The following BOK variants were observed in gnomAD, a reference collection of about 807,000 sequenced individuals.
BOK encodes BCL2 family apoptosis regulator BOK.
Under a neutral mutation model 18.3 loss-of-function variants are expected in BOK, and 20 were observed. That is an observed-to-expected ratio of 1.09 (90% confidence interval 0.77 to 1.59). BOK has a LOEUF of 1.59. Ranked by LOEUF, BOK falls within the 40% of genes most tolerant of loss-of-function variation. The probability of loss-of-function intolerance (pLI) is 0.00; values close to 1 mark genes in which losing one functional copy is unlikely to be tolerated. For missense variants in BOK, 348 were observed against 307.9 expected (o/e 1.13, Z -0.97); for synonymous variants, 173 against 142.4 (o/e 1.21, Z -1.53).
intron 3 of BOK, among the ~76,000 whole-genome samples, chr2:241,563,225 C>T (rs1449996564): frequency 6.6e-6 from 1 of 152,208 alleles, no homozygotes; most frequent in African/African-American, 2.4e-5. Flanking sequence ...GTCTCCCCTA[C>T]TCGGTGCCCG....
chr2:241,565,653 T>C (rs9288727), intron 3 of BOK, among the ~76,000 whole-genome samples: 74,302 of 152,084 alleles, frequency 0.49, 19,671 homozygotes, highest in East Asian at 0.68. Flanking sequence ...GCAGGCAAGC[T>C]GCACAGCCCG....
intron 2 of BOK, among the ~76,000 whole-genome samples, chr2:241,561,214 C>T (rs969937001): frequency 3.3e-5 from 5 of 152,244 alleles, no homozygotes; most frequent in South Asian, 2.1e-4. Flanking sequence ...GGCCGGGCTG[C>T]GGACTCCCAA....
chr2:241,571,126 GC>G (rs1056758670), intron 4 of BOK, among the ~76,000 whole-genome samples: 1 of 151,940 alleles, frequency 6.6e-6, no homozygotes, highest in African/African-American at 2.4e-5. Flanking sequence ...CTACAGGCAG[GC>G]CCTGGACTCT....
chr2:241,559,349 C>T, intron 1 of BOK, 106 bp from the exon 2 acceptor site: 2 of 598,582 alleles, frequency 3.3e-6, no homozygotes, highest in South Asian at 7.0e-5. Context: ...AGAGCGGACC[C>T]GGCGCCGGCT....
chr2:241,559,373 A>G, intron 1 of BOK, 82 bp from the exon 2 acceptor site: 1 of 881,812 alleles, frequency 1.1e-6, no homozygotes, highest in Non-Finnish European at 1.5e-6. Flanking sequence ...GCCCTTCCCG[A>G]GGGCCACGCC....
chr2:241,568,258 C>G lies in BOK; in HGVS notation c.350-1867C>G, dbSNP rs189354437. ...GCCTCAGCCTCCCGAGTAGCTGGGA[C>G]TACAGGCACCAGCCGCCATGCCCGG... is the stretch of plus-strand genomic sequence containing the variant. On this transcript the variant is annotated intron_variant, in intron 3 of 4. Coordinates refer to ENST00000318407, the MANE Select transcript of BOK (RefSeq NM_032515.5). Among the ~76,000 whole-genome samples the G allele has an allele frequency of 2.0e-4, 30 of 149,896 alleles. No homozygotes were observed. In the East Asian group the frequency reaches 5.8e-3, roughly 29 times the overall value.
upstream of BOK, among the ~76,000 whole-genome samples, chr2:241,557,395 C>T (rs1303575466): frequency 3.3e-5 from 5 of 149,384 alleles, no homozygotes; most frequent in African/African-American, 1.2e-4. Flanking sequence ...CTGCAACCTT[C>T]GCCTCCCAGG....
At chr2:241,551,889 G>A (rs550786481) in intron 1 of BOK, among the ~76,000 whole-genome samples, 53 of 151,524 alleles carry the variant, frequency 3.5e-4, no homozygotes, top group African/African-American at 1.3e-3. Context: ...ATTCACCTCG[G>A]CCACTTGAAC....
upstream of BOK, among the ~76,000 whole-genome samples, chr2:241,554,747 G>A (rs918652396): frequency 1.3e-5 from 2 of 152,202 alleles, no homozygotes; most frequent in African/African-American, 4.8e-5. Context: ...GCCATCACAG[G>A]GGAGCACAGA....
Position 241,562,254 on chromosome 2 carries a change from A to G in BOK, c.221-94A>G. 6.9e-7 allele frequency: 1 copy of G among 1,438,866 alleles called. No individual in the cohort carries two copies. 89.1% of individuals were successfully genotyped at this position (1,438,866 alleles called of 1,614,324 possible). A position where few individuals can be genotyped will look rare whatever the true frequency, so the allele number is the denominator to read the frequency against. On this transcript the variant is annotated intron_variant, in intron 2 of 4. Coordinates refer to ENST00000318407, the MANE Select transcript of BOK (RefSeq NM_032515.5). The surrounding 1 kb of genome is among the most constrained non-coding windows in gnomAD (Gnocchi z 4.5). ...AACAGGCTGGAATTCAAGCATGGTC[A>G]GGTGGGGGTCAGGTGCAGGGTGTGC...
In BOK at chr2:241,562,963, T is replaced by A. The variant is rs1479782624; in HGVS notation, c.349+487T>A. 6.6e-6 allele frequency among the ~76,000 whole-genome samples: 1 copy of A among 152,174 alleles called. No individual in the cohort carries two copies. Among genetic ancestry groups the A allele is most frequent in the Non-Finnish European group, 1.5e-5 (1 of 68,022 alleles). ...AGAAGTCACGGGTAACTCTGCTGGATTCTGATGGTCAGAAGCGAGCCTCAG... is the reference window on the plus strand; with the variant it reads ...AGAAGTCACGGGTAACTCTGCTGGAATCTGATGGTCAGAAGCGAGCCTCAG... On this transcript the variant is annotated intron_variant, in intron 3 of 4. Coordinates refer to ENST00000318407, the MANE Select transcript of BOK (RefSeq NM_032515.5). The surrounding 1 kb of genome is among the most constrained non-coding windows in gnomAD (Gnocchi z 4.5).
chr2:241,572,228 G>A, intron 4 of BOK, 69 bp from the exon 5 acceptor site: 7 of 1,585,576 alleles, frequency 4.4e-6, no homozygotes, highest in Non-Finnish European at 6.0e-6. Flanking sequence ...CGGTGCTGGG[G>A]GGCCTGGCGG....
At chr2:241,560,035 A>G (rs2066503026) in intron 2 of BOK, 1 of 975,342 alleles carries the variant, frequency 1.0e-6, no homozygotes, top group Non-Finnish European at 1.2e-6. Flanking sequence ...AACCCTTTGT[A>G]GGAGCACGTG....
chr2:241,572,414 G>T lies in BOK; in HGVS notation c.631G>T (p.Glu211Ter). ...LKAAFFVLLPER is the reference protein window; with the variant it reads ...LKAAFFVLLP Reference sequence around the variant, plus strand: ...GGCTGCCTTCTTCGTGCTGCTGCCAGAGAGATGAGCTGCCCACCTGGCAGT... The same window carrying T: ...GGCTGCCTTCTTCGTGCTGCTGCCATAGAGATGAGCTGCCCACCTGGCAGT... Residue 211 changes from glutamate (E) to a stop codon, truncating the protein, a stop_gained, in exon 5 of 5, where the codon GAG becomes TAG. Transcript: ENST00000318407. LOFTEE classifies it high-confidence loss of function. 6.3e-7 allele frequency: 1 copy of T among 1,598,182 alleles called. No homozygotes were observed.
At chr2:241,552,798 C>G (rs1428734476) in intron 1 of BOK, among the ~76,000 whole-genome samples, 1 of 152,236 alleles carries the variant, frequency 6.6e-6, no homozygotes, top group African/African-American at 2.4e-5. Context: ...GGGATCACCA[C>G]TGGGAAGAAG....
chr2:241,564,741 C>A (rs1057262488), intron 3 of BOK, among the ~76,000 whole-genome samples: 3 of 152,158 alleles, frequency 2.0e-5, no homozygotes, highest in Admixed American at 6.5e-5. Context: ...CCTGGGCTGA[C>A]GACCACTCTC....
In BOK at chr2:241,572,468, G is replaced by A. The variant is rs1450960100; in HGVS notation, c.*46G>A. On this transcript the variant is annotated 3_prime_UTR_variant, in exon 5 of 5. Coordinates refer to ENST00000318407, the MANE Select transcript of BOK (RefSeq NM_032515.5). ...CGCAGCCTGGCCCTCTGGGCCCAAC[G>A]CAGGAGGCCCTCAGCACCCGAACAC... is the stretch of plus-strand genomic sequence containing the variant. 7.0e-6 allele frequency: 11 copies of A among 1,572,926 alleles called. No individual in the cohort carries two copies. The East Asian group carries it at 9.1e-5, about 13-fold the overall frequency.
At chr2:241,568,452 C>A (rs1475808888) in intron 3 of BOK, among the ~76,000 whole-genome samples, 1 of 151,698 alleles carries the variant, frequency 6.6e-6, no homozygotes, top group Non-Finnish European at 1.5e-5. Context: ...GAATCTTGCT[C>A]TGTCTCCCAG....
chr2:241,570,050 G>C, intron 3 of BOK, 75 bp from the exon 4 acceptor site: 4 of 1,502,546 alleles, frequency 2.7e-6, no homozygotes, highest in Non-Finnish European at 2.7e-6. Flanking sequence ...GCGGCTCAGA[G>C]AGGCCCAGCC....
Sources: gnomAD v4.1 joint callset for allele counts (sites outside exome capture counted in the v4.1 genomes callset) on GRCh38, gnomAD v4.1.1 for gene constraint, Gnocchi (gnomAD v3.1) non-coding constraint, MANE v1.5 for transcripts, NCBI Gene and HGNC (gene_info 2026-07-23, HGNC 2026-07-21) for gene names.